Variants in ACYP2 observed in about 807,000 individuals in gnomAD.
ACYP2 encodes the protein acylphosphatase 2, also known as acylphosphatase-2.
Under a neutral mutation model 11.2 loss-of-function variants are expected in ACYP2, and 12 were observed. The observed-to-expected ratio is 1.08, with a 90% CI of 0.69 to 1.74. ACYP2 has a LOEUF of 1.74. Among genes scored for constraint, ACYP2 ranks in the 40% most tolerant of loss-of-function variants. The probability of loss-of-function intolerance (pLI) is 0.00; values close to 1 mark genes in which losing one functional copy is unlikely to be tolerated. For missense variants in ACYP2, 134 were observed against 101.9 expected (o/e 1.31, Z -1.35); for synonymous variants, 43 against 32.2 (o/e 1.33, Z -1.13).
intron 6 of ACYP2, among the ~76,000 whole-genome samples, chr2:54,269,104 ACT>A (rs1368215615): frequency 2.6e-5 from 4 of 152,160 alleles, no homozygotes. Flanking sequence ...CAAATTATTA[ACT>A]GTTTTGATTT....
At chr2:54,279,369 C>A (rs1688746834) in intron 6 of ACYP2, among the ~76,000 whole-genome samples, 1 of 152,142 alleles carries the variant, frequency 6.6e-6, no homozygotes, top group African/African-American at 2.4e-5. Context: ...GGACCACAAG[C>A]CTACCACATA....
At chr2:54,115,780 A>T in intron 4 of ACYP2, 24 bp downstream of exon 1, 1 of 1,583,776 alleles carries the variant, frequency 6.3e-7, no homozygotes, top group African/African-American at 1.4e-5. Context: ...CTACGGTGGG[A>T]GATCAAAAAG....
chr2:54,075,328 G>A (rs11887549), intron 4 of ACYP2, among the ~76,000 whole-genome samples: 57,912 of 151,660 alleles, frequency 0.38, 11,734 homozygotes, highest in East Asian at 0.68. Flanking sequence ...GTGAAACCCC[G>A]TTTCTACTAA....
At chr2:53,987,591 T>C in intron 2 of ACYP2, among the ~76,000 whole-genome samples, 1 of 152,340 alleles carries the variant, frequency 6.6e-6, no homozygotes, top group East Asian at 1.9e-4. Flanking sequence ...TGTATCATTT[T>C]ACATTCTCAT....
chr2:54,053,877 C>G (rs190950462), intron 3 of ACYP2, among the ~76,000 whole-genome samples: 26 of 152,322 alleles, frequency 1.7e-4, no homozygotes, highest in Non-Finnish European at 3.4e-4. Context: ...TAGACCCTAA[C>G]TAATTAAAGT....
At chr2:54,270,459 T>G (rs1173561190) in intron 6 of ACYP2, among the ~76,000 whole-genome samples, 1 of 152,214 alleles carries the variant, frequency 6.6e-6, no homozygotes, top group Non-Finnish European at 1.5e-5. Flanking sequence ...TAAAACATAA[T>G]TAGCCAGACA....
chr2:54,234,098 C>T (rs1369051936), intron 6 of ACYP2, among the ~76,000 whole-genome samples: 2 of 152,168 alleles, frequency 1.3e-5, no homozygotes, highest in South Asian at 2.1e-4. Context: ...ATGATTTTCC[C>T]GTTGAAACTC....
intron 2 of ACYP2, among the ~76,000 whole-genome samples, chr2:53,980,140 C>T (rs866377755): frequency 6.6e-6 from 1 of 151,678 alleles, no homozygotes; most frequent in East Asian, 2.0e-4. Context: ...CCCAGGAATT[C>T]AAGACCAGCT....
At chr2:54,136,430 G>A (rs984665636) in intron 5 of ACYP2, among the ~76,000 whole-genome samples, 3 of 152,040 alleles carry the variant, frequency 2.0e-5, no homozygotes, top group African/African-American at 7.2e-5. Context: ...TAGGTCCCTG[G>A]TTCCCAACTC....
In ACYP2 at chr2:54,020,117, A is replaced by G. The variant is rs568966887; in HGVS notation, c.63-30841A>G. On this transcript the variant is annotated intron_variant, in intron 2 of 6. Transcript: ENST00000607452. ...ATGCCTGGCTAATTTTTGTATTTTT[A>G]GTAGAGATGGGGTTTAGCCATGTTG... is the stretch of plus-strand genomic sequence containing the variant. Among the ~76,000 whole-genome samples, 16 of 151,016 alleles carry G rather than the reference A, an allele frequency of 1.1e-4. No individual in the cohort carries two copies. The East Asian group carries it at 2.7e-3, about 26-fold the overall frequency.
chr2:54,089,553 CA>C (rs1444637239), intron 4 of ACYP2, among the ~76,000 whole-genome samples: 1 of 151,770 alleles, frequency 6.6e-6, no homozygotes, highest in East Asian at 1.9e-4. Flanking sequence ...GCCTGGGCAA[CA>C]TAGTGAGAAC....
chr2:54,050,964 G>A lies in ACYP2; in HGVS notation c.69G>A (p.Lys23=), dbSNP rs1233056669. Residue 23 remains lysine, a synonymous_variant, in exon 3 of 7, where the codon AAG becomes AAA. Coordinates refer to ENST00000607452, the MANE Select transcript of ACYP2 (RefSeq NM_001320586.2). ...TTTTTTTCTTTTTTTGTAGATACAAGGTCTCGCTGTTCTACCTAGGCTGTT... is the reference window on the plus strand; with the variant it reads ...TTTTTTTCTTTTTTTGTAGATACAAAGTCTCGCTGTTCTACCTAGGCTGTT... The A allele has an allele frequency of 7.3e-6, 3 of 409,182 alleles. No homozygotes were observed. Among genetic ancestry groups the A allele is most frequent in the African/African-American group, 6.2e-5 (3 of 48,636 alleles). The allele number at this position is 409,182 out of a possible 1,614,324, so 25.3% of individuals were successfully genotyped here. A position where few individuals can be genotyped will look rare whatever the true frequency, so the allele number is the denominator to read the frequency against.
At chr2:54,141,866 C>G in intron 6 of ACYP2, 2 of 635,100 alleles carry the variant, frequency 3.1e-6, no homozygotes, top group South Asian at 1.8e-5. Flanking sequence ...AGACAAGGGT[C>G]TTGCTCTCTC....
At position 54,273,083 on chromosome 2, in the gene ACYP2, T is replaced by C. The variant is rs151124753; in HGVS notation, c.405-31605T>C. On this transcript the variant is annotated intron_variant, in intron 6 of 6. Transcript: ENST00000607452. ...TAGGCAGGCTTTTCTCTGACAAAGT[T>C]GTTTGGGTTATTTTTATCTTTCTGC... Among the ~76,000 whole-genome samples the C allele has an allele frequency of 3.3e-3, 496 of 152,350 alleles. 6 individuals carry two copies. The highest frequency in any genetic ancestry group is 0.011 in the African/African-American group (472 of 41,574).
At chr2:54,100,625 A>T (rs1678842984) in intron 4 of ACYP2, among the ~76,000 whole-genome samples, 1 of 151,904 alleles carries the variant, frequency 6.6e-6, no homozygotes, top group Admixed American at 6.6e-5. Context: ...CTCCTTTTTT[A>T]ATACTCTACC....
At position 54,304,808 on chromosome 2, in the gene ACYP2, G is replaced by C; in HGVS notation, c.*6G>C. On this transcript the variant is annotated 3_prime_UTR_variant, in exon 7 of 7. Coordinates refer to ENST00000607452, the MANE Select transcript of ACYP2 (RefSeq NM_001320586.2). Reference sequence around the variant, plus strand: ...ATTTTAGTATTAGATACTAATAGAAGAGAAAAATTGTAACACACTGAACAA... The same window carrying C: ...ATTTTAGTATTAGATACTAATAGAACAGAAAAATTGTAACACACTGAACAA... The C allele has an allele frequency of 1.3e-6, 2 of 1,496,410 alleles. No homozygotes were observed. The highest frequency in any genetic ancestry group is 1.9e-6 in the Non-Finnish European group (2 of 1,078,602). 92.7% of individuals were successfully genotyped at this position (1,496,410 alleles called of 1,614,324 possible). A position where few individuals can be genotyped will look rare whatever the true frequency, so the allele number is the denominator to read the frequency against.
At chr2:54,295,860 A>G (rs1473272816) in intron 6 of ACYP2, among the ~76,000 whole-genome samples, 2 of 152,016 alleles carry the variant, frequency 1.3e-5, no homozygotes, top group African/African-American at 4.8e-5. Flanking sequence ...TCCCGGGTTC[A>G]AGCAATTCTC....
intron 2 of ACYP2, among the ~76,000 whole-genome samples, chr2:54,022,384 A>G (rs1162627664): frequency 6.6e-6 from 1 of 151,838 alleles, no homozygotes; most frequent in African/African-American, 2.4e-5. Flanking sequence ...GCTAGAGTAC[A>G]GTTTTGTTTT....
chr2:54,280,523 T>C (rs935321273), intron 6 of ACYP2, among the ~76,000 whole-genome samples: 3 of 151,886 alleles, frequency 2.0e-5, no homozygotes, highest in African/African-American at 7.3e-5. Flanking sequence ...AAATTAAGCC[T>C]AGAGATCACC....
Sources: allele counts gnomAD v4.1 joint callset (sites outside exome capture counted in the v4.1 genomes callset), GRCh38; gene constraint gnomAD v4.1.1; transcripts MANE v1.5; gene names NCBI Gene and HGNC (gene_info 2026-07-23, HGNC 2026-07-21).